GRIK1: variants seen among roughly 807,000 people sequenced by gnomAD.
The protein encoded by GRIK1 is glutamate receptor ionotropic, kainate 1.
A neutral mutation model predicts 105.7 loss-of-function variants in GRIK1; 69 were observed. That is an observed-to-expected ratio of 0.65 (90% CI 0.54 to 0.80). The LOEUF is 0.80. GRIK1 is among the 30% of genes least tolerant of loss of function. GRIK1 has a pLI of 0.00. For synonymous variants in GRIK1, 438 were observed against 431.3 expected, an observed-to-expected ratio of 1.02 and a Z score of -0.19; for missense variants, 1,109 against 1,167.3, an observed-to-expected ratio of 0.95 and a Z score of 0.73.
rs79680333 is a variant in GRIK1 at position 29,600,586 on chromosome 21, A to G, written c.1099-1649T>C. Among the ~76,000 whole-genome samples the G allele has an allele frequency of 3.3e-4, 51 of 152,328 alleles. 1 individual carries two copies. In the East Asian group the frequency reaches 9.2e-3, roughly 28 times the overall value. On this transcript the variant is annotated intron_variant, in intron 7 of 17. Transcript: ENST00000327783. The stretch of plus-strand genomic sequence containing the variant: ...GCATAAAATGGGAAGATTCTGAAGA[A>G]TTACACTGTATTTGCAGTTATTTGC...
intron 16 of GRIK1, among the ~76,000 whole-genome samples, chr21:29,539,191 A>T (rs1394971091): frequency 1.3e-5 from 2 of 152,222 alleles, no homozygotes; most frequent in East Asian, 1.9e-4. Context: ...ATACTTAAAA[A>T]ATGTTATAGC....
At chr21:29,563,239 G>A (rs920490186) in intron 14 of GRIK1, among the ~76,000 whole-genome samples, 1 of 152,112 alleles carries the variant, frequency 6.6e-6, no homozygotes, top group Non-Finnish European at 1.5e-5. Flanking sequence ...GAATACCTGC[G>A]GAGTCAACTC....
At chr21:29,810,060 G>A (rs2066970365) in intron 1 of GRIK1, among the ~76,000 whole-genome samples, 1 of 152,136 alleles carries the variant, frequency 6.6e-6, no homozygotes, top group South Asian at 2.1e-4. Flanking sequence ...CACTTTGGAA[G>A]GCTGAGATGG....
intron 1 of GRIK1, among the ~76,000 whole-genome samples, chr21:29,901,951 A>T (rs2070426330): frequency 2.0e-5 from 3 of 152,178 alleles, no homozygotes; most frequent in Non-Finnish European, 4.4e-5. Context: ...TATCCACCAC[A>T]ATAAGTCAGC....
At chr21:29,636,163 C>G (rs1328387259) in intron 7 of GRIK1, among the ~76,000 whole-genome samples, 2 of 152,164 alleles carry the variant, frequency 1.3e-5, no homozygotes, top group Non-Finnish European at 2.9e-5. Flanking sequence ...TTCATCCCCC[C>G]TCCGTCATGT....
chr21:29,929,641 C>T (rs1000142243), intron 1 of GRIK1, among the ~76,000 whole-genome samples: 1 of 151,914 alleles, frequency 6.6e-6, no homozygotes, highest in Non-Finnish European at 1.5e-5. Context: ...TGGCTATTAT[C>T]AAAAAAGACA....
chr21:29,928,175 T>C (rs2071448382), intron 1 of GRIK1, among the ~76,000 whole-genome samples: 1 of 152,210 alleles, frequency 6.6e-6, no homozygotes, highest in African/African-American at 2.4e-5. Context: ...CATCCTCACA[T>C]TCAAAGGGTT....
intron 1 of GRIK1, among the ~76,000 whole-genome samples, chr21:29,823,580 A>G (rs2067364583): frequency 6.6e-6 from 1 of 151,896 alleles, no homozygotes; most frequent in Admixed American, 6.6e-5. Context: ...TATTTTTTTG[A>G]TCATAAGTGG....
chr21:29,750,911 C>T (rs1386818430), intron 1 of GRIK1, among the ~76,000 whole-genome samples: 5 of 152,134 alleles, frequency 3.3e-5, no homozygotes, highest in East Asian at 1.9e-4. Context: ...TGGGTGCAGG[C>T]GGACTGAGTC....
Position 29,540,107 on chromosome 21 carries a change from G to C in GRIK1, c.2608-2223C>G, listed in dbSNP as rs1408627868. ...CTCTGACTGTGACTTGACACACACAGAGGAAGGTCTCATTGAAACCTCTTT... is the reference window on the plus strand; with the variant it reads ...CTCTGACTGTGACTTGACACACACACAGGAAGGTCTCATTGAAACCTCTTT... On this transcript the variant is annotated intron_variant, in intron 16 of 17. Transcript: ENST00000327783. Among the ~76,000 whole-genome samples the C allele has an allele frequency of 2.0e-5, 3 of 152,178 alleles. 1 individual carries two copies. Among genetic ancestry groups the C allele is most frequent in the African/African-American group, 4.8e-5 (2 of 41,450 alleles).
chr21:29,692,355 G>A (rs145146602), intron 2 of GRIK1, among the ~76,000 whole-genome samples: 3 of 152,086 alleles, frequency 2.0e-5, no homozygotes, highest in South Asian at 2.1e-4. Context: ...AAGAGAGAGC[G>A]ATGAGAGAAA....
At chr21:29,888,200 T>TTTCTTTCTTTCTTCCTTCCTTCCTTC in intron 1 of GRIK1, among the ~76,000 whole-genome samples, 1 of 31,604 alleles carries the variant, frequency 3.2e-5, no homozygotes, top group Admixed American at 4.2e-4. Context: ...TTTCTTTCTC[T>TTTCTTTCTTTCTTCCTTCCTTCCTTC]CTCTCTCTCT....
intron 7 of GRIK1, among the ~76,000 whole-genome samples, chr21:29,637,516 G>A (rs1407388505): frequency 1.3e-5 from 2 of 152,194 alleles, no homozygotes; most frequent in African/African-American, 2.4e-5. Context: ...TCAAGACAAT[G>A]GTAATAGGAG....
At chr21:29,779,988 G>T (rs894435663) in intron 1 of GRIK1, among the ~76,000 whole-genome samples, 2 of 152,166 alleles carry the variant, frequency 1.3e-5, no homozygotes. Context: ...TGAACTGCAG[G>T]TTGGGCACTT....
chr21:29,690,017 G>T (rs757771310), intron 2 of GRIK1, 32 bp from the exon 3 acceptor site: 5 of 1,527,598 alleles, frequency 3.3e-6, no homozygotes, highest in East Asian at 2.3e-5. Context: ...AGGATGGGGA[G>T]GGAGGGCAGG....
At chr21:29,686,945 C>T (rs916691819) in intron 3 of GRIK1, among the ~76,000 whole-genome samples, 1 of 152,122 alleles carries the variant, frequency 6.6e-6, no homozygotes, top group Non-Finnish European at 1.5e-5. Context: ...TTTCTCATTG[C>T]CTGGGGTCAC....
intron 1 of GRIK1, among the ~76,000 whole-genome samples, chr21:29,790,329 G>A (rs1259021989): frequency 6.6e-6 from 1 of 152,148 alleles, no homozygotes; most frequent in South Asian, 2.1e-4. Flanking sequence ...TTACAAGTGT[G>A]AGCCACCTCG....
intron 7 of GRIK1, among the ~76,000 whole-genome samples, chr21:29,623,880 TAGAG>T (rs1379631783): frequency 1.3e-5 from 2 of 152,212 alleles, no homozygotes; most frequent in African/African-American, 4.8e-5. Context: ...TAATCTTTCA[TAGAG>T]AGAATTTCAT....
At position 29,925,841 on chromosome 21, in the gene GRIK1, A is replaced by G. The variant is rs373640321; in HGVS notation, c.118+13542T>C. On this transcript the variant is annotated intron_variant, in intron 1 of 17. Coordinates refer to ENST00000327783, the MANE Select transcript of GRIK1 (RefSeq NM_001330994.2). Reference sequence around the variant, plus strand: ...TCTCAAAAAGTGAGTGACAGATACCACTCTTTAGTCTTCTTCCCTTGTATG... The same window carrying G: ...TCTCAAAAAGTGAGTGACAGATACCGCTCTTTAGTCTTCTTCCCTTGTATG... Among the ~76,000 whole-genome samples the G allele has an allele frequency of 1.6e-3, 250 of 151,994 alleles. 1 individual carries two copies. Among genetic ancestry groups the G allele is most frequent in the African/African-American group, 5.8e-3 (239 of 41,452 alleles).
Sources: gnomAD v4.1 joint callset for allele counts (sites outside exome capture counted in the v4.1 genomes callset) on GRCh38, gnomAD v4.1.1 for gene constraint, MANE v1.5 for transcripts, NCBI Gene and HGNC (gene_info 2026-07-23, HGNC 2026-07-21) for gene names.